The following LMF1 variants were observed in gnomAD, a reference collection of about 807,000 sequenced individuals.
LMF1 encodes transmembrane protein 112.
A neutral mutation model predicts 60.6 loss-of-function variants in LMF1; 68 were observed. The ratio of observed to expected loss-of-function variants is 1.12; its 90% CI spans 0.92 to 1.37. The LOEUF (loss-of-function observed/expected upper bound fraction) is 1.37. LMF1 is among the 40% of genes most tolerant of loss of function. The pLI, the probability that LMF1 is intolerant of heterozygous loss-of-function variation, is 0.00. For synonymous variants in LMF1, 418 were observed against 324.7 expected (o/e 1.29, Z -3.09); for missense variants, 948 against 767.2 (o/e 1.24, Z -2.78).
intron 1 of LMF1, chr16:968,645 A>G (rs1286949631): frequency 1.3e-5 from 2 of 152,172 alleles, no homozygotes; most frequent in Non-Finnish European, 2.9e-5. Context: ...CAGCAGAAAA[A>G]CACTGATTCT....
chr16:953,219 C>T (rs1280059751), intron 2 of LMF1, among the ~76,000 whole-genome samples: 30 of 105,166 alleles, frequency 2.9e-4, no homozygotes, highest in African/African-American at 9.4e-4. Flanking sequence ...AGACACCCAC[C>T]CCAAACCAGC....
In LMF1 at chr16:871,162, G is replaced by T; in HGVS notation, c.1077C>A (p.Phe359Leu). The change falls in exon 7 of 11, where the codon TTC (phenylalanine) becomes TTA (leucine). Residue 359 changes from phenylalanine (F) to leucine (L), a missense_variant and splice_region_variant. By Grantham distance (22) the Phe-to-Leu change is conservative. Coordinates refer to ENST00000262301, the MANE Select transcript of LMF1 (RefSeq NM_022773.4). ...DIRGARPEPR[F>L]GSVVRRAANV... is the part of the protein sequence containing the mutation. ...GGGGCCCCCAGCTGAGCCACCTACC[G>T]AATCTGGGCTCGGGCCGGGCCCCTC... The T allele has an allele frequency of 6.3e-7, 1 of 1,584,986 alleles. No individual in the cohort carries two copies. Among genetic ancestry groups the T allele is most frequent in the East Asian group, 2.3e-5 (1 of 44,056 alleles).
At chr16:948,157 G>A (rs1265387041) in intron 2 of LMF1, among the ~76,000 whole-genome samples, 2 of 145,746 alleles carry the variant, frequency 1.4e-5, no homozygotes, top group African/African-American at 5.2e-5. Flanking sequence ...CAGAGTCAGA[G>A]CCAACGACAG....
rs1017960000 is a variant in LMF1, at chr16:936,999, G to A, written c.504-2745C>T. Among the ~76,000 whole-genome samples the A allele has an allele frequency of 5.4e-4, 82 of 152,154 alleles. 1 individual carries two copies. Among genetic ancestry groups the A allele is most frequent in the Non-Finnish European group, 1.2e-4 (8 of 68,032 alleles). On this transcript the variant is annotated intron_variant, in intron 2 of 10. Coordinates refer to ENST00000262301, the MANE Select transcript of LMF1 (RefSeq NM_022773.4). Reference sequence around the variant, plus strand: ...AAGACGCAGCCTCACGCTTTTATCAGAAGGGACCAAGGCCTGGAAGAGTTT... The same window carrying A: ...AAGACGCAGCCTCACGCTTTTATCAAAAGGGACCAAGGCCTGGAAGAGTTT...
chr16:968,097 C>T (rs1406074073), intron 1 of LMF1, among the ~76,000 whole-genome samples: 1 of 152,204 alleles, frequency 6.6e-6, no homozygotes, highest in African/African-American at 2.4e-5. Context: ...AGTGAGCACA[C>T]CCCTAGCACC....
At chr16:882,480 C>T (rs763873128) in intron 5 of LMF1, among the ~76,000 whole-genome samples, 7 of 152,208 alleles carry the variant, frequency 4.6e-5, no homozygotes, top group South Asian at 2.1e-4. Flanking sequence ...GCAAGGCCAC[C>T]GGGAGATGCA....
At chr16:948,815 A>C (rs1346730660) in intron 2 of LMF1, among the ~76,000 whole-genome samples, 1,288 of 121,852 alleles carry the variant, frequency 0.011, 28 homozygotes, top group African/African-American at 0.018. Flanking sequence ...AGCCAACGAC[A>C]GAGTCAGCCA....
chr16:973,935 G>C (rs1246846059), upstream of LMF1, among the ~76,000 whole-genome samples: 2 of 151,822 alleles, frequency 1.3e-5, no homozygotes, highest in Non-Finnish European at 2.9e-5. Flanking sequence ...ACGTGAACGC[G>C]GGGGCTGGAG....
chr16:940,399 C>A (rs1356715305), intron 2 of LMF1, among the ~76,000 whole-genome samples: 1 of 152,044 alleles, frequency 6.6e-6, no homozygotes, highest in African/African-American at 2.4e-5. Context: ...GCTCACCCAC[C>A]GGGGACCAGC....
intron 6 of LMF1, among the ~76,000 whole-genome samples, 153 bp downstream of exon 6, chr16:879,417 C>T (rs552426011): frequency 6.6e-6 from 1 of 152,240 alleles, no homozygotes; most frequent in East Asian, 1.9e-4. Flanking sequence ...CAGTGGGGCC[C>T]GTGACACAAA....
At chr16:868,787 G>T (rs1204859700) in intron 10 of LMF1, among the ~76,000 whole-genome samples, 157 bp downstream of exon 10, 1 of 140,206 alleles carries the variant, frequency 7.1e-6, no homozygotes, top group Admixed American at 7.0e-5. Context: ...GGGGGGGGGG[G>T]GCCCTTTTTG....
At chr16:865,933 T>G (rs2069598270) in intron 10 of LMF1, among the ~76,000 whole-genome samples, 1 of 152,248 alleles carries the variant, frequency 6.6e-6, no homozygotes, top group Non-Finnish European at 1.5e-5. Context: ...TGTCGAGTGT[T>G]TTGTGTCAGT....
Position 854,646 on chromosome 16 carries a change from G to A in LMF1, c.1590C>T (p.Ala530=), listed in dbSNP as rs962024295. Residue 530 remains alanine, a synonymous_variant, in exon 11 of 11, where the codon GCC becomes GCT. Transcript: ENST00000262301. ...TCTTCCGCACCCACCACTTGCCCTC[G>A]GCGGCGTGCCTGCCCCCAGGACGGC... ...KFSRPGGRHA[A]EGKWWVRKRI... 11 of 1,606,172 alleles carry A rather than the reference G, an allele frequency of 6.8e-6. No individual in the cohort carries two copies. Among genetic ancestry groups the A allele is most frequent in the Admixed American group, 5.0e-5 (3 of 59,578 alleles).
At chr16:980,751 G>A (rs1397161168) in intron 1 of LMF1, 2 of 152,128 alleles carry the variant, frequency 1.3e-5, no homozygotes, top group African/African-American at 4.8e-5. Flanking sequence ...GCCTCGGGGG[G>A]GGCAATGTCC....
Position 859,954 on chromosome 16 carries a change from GC to G in LMF1, c.1530-5249del, listed in dbSNP as rs201561711. Among the ~76,000 whole-genome samples the G allele has an allele frequency of 1.5e-4, 19 of 126,034 alleles. 1 individual carries two copies. The highest frequency in any genetic ancestry group is 8.8e-4 in the African/African-American group (17 of 19,420). 82.7% of individuals were successfully genotyped at this position (126,034 alleles called of 152,430 possible). A position where few individuals can be genotyped will look rare whatever the true frequency, so the allele number is the denominator to read the frequency against. On this transcript the variant is annotated intron_variant, in intron 10 of 10. Transcript: ENST00000262301. Reference sequence around the variant, plus strand: ...GTGAGTGGTGTCACGGGATGGGTGTGCAGTGATGGTACCGGATGGGTGTGCA... The same window carrying G: ...GTGAGTGGTGTCACGGGATGGGTGTGAGTGATGGTACCGGATGGGTGTGCA...
At chr16:892,961 G>A (rs773403617) in intron 5 of LMF1, 46 bp downstream of exon 5, 49 of 1,440,170 alleles carry the variant, frequency 3.4e-5, no homozygotes, top group South Asian at 2.0e-4. Flanking sequence ...GGAACGGGGC[G>A]GCGTGAGACC....
In LMF1 at chr16:879,835, A is replaced by C. The variant is rs570982682; in HGVS notation, c.730-98T>G. ...CCCTGGCCCCCTGACCCCGGCTCCT[A>C]CTGCACACAGGATCCCCCCGGCCCG... On this transcript the variant is annotated intron_variant, in intron 5 of 10. Transcript: ENST00000262301. 1,293 of 1,234,778 alleles carry C rather than the reference A, an allele frequency of 1.0e-3. 13 individuals carry two copies. The African/African-American group carries it at 0.018, about 17-fold the overall frequency. The allele number at this position is 1,234,778 out of a possible 1,614,324, so 76.5% of individuals were successfully genotyped here. A position where few individuals can be genotyped will look rare whatever the true frequency, so the allele number is the denominator to read the frequency against.
At chr16:957,190 T>A (rs567652276) in intron 1 of LMF1, among the ~76,000 whole-genome samples, 17 of 152,138 alleles carry the variant, frequency 1.1e-4, no homozygotes, top group African/African-American at 4.1e-4. Flanking sequence ...GACACAGGGA[T>A]GAAAGAAGAT....
chr16:954,365 G>A lies in LMF1; in HGVS notation c.495C>T (p.Gly165=), dbSNP rs1465663902. ...CCATTCCTGCTACTCACCAGACATGGCCCACATTAACCAGGGACATGTAGA... is the reference window on the plus strand; with the variant it reads ...CCATTCCTGCTACTCACCAGACATGACCCACATTAACCAGGGACATGTAGA... ...WGLYMSLVNV[G]HVWYSFGWES... Residue 165 remains glycine, a synonymous_variant, in exon 2 of 11, where the codon GGC becomes GGT. Coordinates refer to ENST00000262301, the MANE Select transcript of LMF1 (RefSeq NM_022773.4). The A allele has an allele frequency of 6.2e-7, 1 of 1,611,722 alleles. No homozygotes were observed. Among genetic ancestry groups the A allele is most frequent in the South Asian group, 1.1e-5 (1 of 90,696 alleles).
Sources: gnomAD v4.1 joint callset for allele counts (sites outside exome capture counted in the v4.1 genomes callset) on GRCh38, gnomAD v4.1.1 for gene constraint, MANE v1.5 for transcripts, NCBI Gene and HGNC (gene_info 2026-07-23, HGNC 2026-07-21) for gene names.